The following NCK2 variants were observed in gnomAD, a reference collection of about 807,000 sequenced individuals.
NCK2 encodes cytoplasmic protein NCK2.
A neutral mutation model predicts 33.9 loss-of-function variants in NCK2; 16 were observed. The observed-to-expected ratio is 0.47, with a 90% CI of 0.32 to 0.72. The LOEUF (loss-of-function observed/expected upper bound fraction) is 0.72, where lower values mean the gene tolerates loss of function less well. NCK2 is among the 30% of genes least tolerant of loss of function. The probability of loss-of-function intolerance (pLI) is 0.03; values close to 1 mark genes in which losing one functional copy is unlikely to be tolerated. For synonymous variants in NCK2, 273 were observed against 239.9 expected, an observed-to-expected ratio of 1.14 and a Z score of -1.27; for missense variants, 418 against 537.3, an observed-to-expected ratio of 0.78 and a Z score of 2.19.
chr2:105,803,423 A>T (rs1674915749), intron 1 of NCK2, among the ~76,000 whole-genome samples: 1 of 152,174 alleles, frequency 6.6e-6, no homozygotes, highest in Non-Finnish European at 1.5e-5. Context: ...TGCCTTATGT[A>T]TGTACAGCAT....
At chr2:105,861,001 G>A (rs1159456242) in intron 3 of NCK2, among the ~76,000 whole-genome samples, 1 of 151,908 alleles carries the variant, frequency 6.6e-6, no homozygotes, top group African/African-American at 2.4e-5. Flanking sequence ...GGGACTTGGG[G>A]CAGGTGGCTT....
chr2:105,775,172 T>C (rs1014302898), intron 1 of NCK2, among the ~76,000 whole-genome samples: 2 of 152,258 alleles, frequency 1.3e-5, no homozygotes, highest in African/African-American at 4.8e-5. Flanking sequence ...GGGTGGTTTT[T>C]ACGTGTTAGT....
chr2:105,889,654 C>T (rs114509843), intron 4 of NCK2, among the ~76,000 whole-genome samples: 1,798 of 151,028 alleles, frequency 0.012, 39 homozygotes, highest in African/African-American at 0.041. Flanking sequence ...CCCTGTCATA[C>T]CTCACTGTTG....
intron 1 of NCK2, among the ~76,000 whole-genome samples, chr2:105,793,951 T>A (rs1410503059): frequency 5.9e-5 from 9 of 152,242 alleles, no homozygotes; most frequent in Middle Eastern, 3.2e-3. Context: ...AAGCTTTTTT[T>A]CTTTGGTGTG....
chr2:105,801,906 C>A (rs954825972), intron 1 of NCK2, among the ~76,000 whole-genome samples: 2 of 152,100 alleles, frequency 1.3e-5, no homozygotes, highest in African/African-American at 2.4e-5. Context: ...CATTCCAAAG[C>A]CAGTGTGCAT....
chr2:105,789,896 A>G (rs557137505), intron 1 of NCK2, among the ~76,000 whole-genome samples: 1 of 152,314 alleles, frequency 6.6e-6, no homozygotes, highest in South Asian at 2.1e-4. Context: ...CAGATAACGA[A>G]CAGGTTGGAT....
intron 1 of NCK2, among the ~76,000 whole-genome samples, chr2:105,782,589 A>G (rs1690536499): frequency 6.6e-6 from 1 of 152,182 alleles, no homozygotes; most frequent in Admixed American, 6.5e-5. Context: ...ATGTGGTTTT[A>G]GTACTTTTTA....
chr2:105,821,405 T>G (rs1675732219), intron 2 of NCK2, among the ~76,000 whole-genome samples: 1 of 152,168 alleles, frequency 6.6e-6, no homozygotes, highest in Non-Finnish European at 1.5e-5. Context: ...TGGGCCCATC[T>G]CAGCCTCCTT....
chr2:105,848,475 A>G (rs928877406), intron 2 of NCK2: 3 of 152,232 alleles, frequency 2.0e-5, no homozygotes, highest in African/African-American at 7.2e-5. Context: ...CTCCAAAATA[A>G]CATACTGAGC....
intron 1 of NCK2, among the ~76,000 whole-genome samples, chr2:105,754,806 TG>T (rs1293935158): frequency 2.6e-5 from 4 of 152,258 alleles, no homozygotes; most frequent in Middle Eastern, 3.4e-3. Flanking sequence ...GGAGTTATTT[TG>T]AGACAGTTTT....
chr2:105,807,206 G>A (rs1675078538), intron 1 of NCK2, among the ~76,000 whole-genome samples: 4 of 152,202 alleles, frequency 2.6e-5, no homozygotes, highest in African/African-American at 9.6e-5. Flanking sequence ...GCTCACTCTG[G>A]GTGTTACTGT....
chr2:105,836,090 A>G (rs1188558054), intron 2 of NCK2, among the ~76,000 whole-genome samples: 2 of 94,182 alleles, frequency 2.1e-5, no homozygotes, highest in Admixed American at 1.2e-4. Context: ...ATTATTTTAG[A>G]TTCTTTTTTA....
Position 105,881,940 on chromosome 2 carries a change from T to C in NCK2, c.839T>C (p.Phe280Ser), listed in dbSNP as rs1386468934. ...ACCGGGCCCTCGTCCAGCGGGCGCT[T>C]CGCGGGCAGAGAGTGGTACTACGGG... ...SYTGPSSSGR[F>S]AGREWYYGNV... Residue 280 changes from phenylalanine (F) to serine (S), a missense_variant, in exon 4 of 5, where the codon TTC (phenylalanine) becomes TCC (serine). Phe to Ser is a radical substitution (Grantham distance 155). Transcript: ENST00000233154. The C allele has an allele frequency of 6.4e-7, 1 of 1,559,816 alleles. No homozygotes were observed. The highest frequency in any genetic ancestry group is 1.2e-5 in the South Asian group (1 of 81,472).
At chr2:105,807,871 TCTCC>T (rs1416433584) in intron 1 of NCK2, among the ~76,000 whole-genome samples, 1 of 70,834 alleles carries the variant, frequency 1.4e-5, no homozygotes, top group Non-Finnish European at 2.4e-5. Context: ...TCTCTCTATC[TCTCC>T]CTCCCTCCCT....
At chr2:105,798,030 T>C (rs931545230) in intron 1 of NCK2, among the ~76,000 whole-genome samples, 3 of 152,216 alleles carry the variant, frequency 2.0e-5, no homozygotes, top group Non-Finnish European at 4.4e-5. Context: ...ACCACATTTT[T>C]ATTAATTTAT....
At chr2:105,791,112 G>C (rs1426011635) in intron 1 of NCK2, among the ~76,000 whole-genome samples, 1 of 152,152 alleles carries the variant, frequency 6.6e-6, no homozygotes, top group Non-Finnish European at 1.5e-5. Flanking sequence ...GAGCCACTTG[G>C]AAGCCCCTGC....
chr2:105,835,393 A>ATATACATATATATATATGTATGTATATG, intron 2 of NCK2, among the ~76,000 whole-genome samples: 1 of 51,674 alleles, frequency 1.9e-5, no homozygotes, highest in South Asian at 7.0e-4. Context: ...ATACACATAT[A>ATATACATATATATATATGTATGTATATG]TATATATATA....
chr2:105,807,977 AC>A (rs2104463015), intron 1 of NCK2, among the ~76,000 whole-genome samples: 1 of 151,132 alleles, frequency 6.6e-6, no homozygotes, highest in South Asian at 2.1e-4. Context: ...ATCTCAGCTC[AC>A]TTTAGCCTCC....
intron 1 of NCK2, among the ~76,000 whole-genome samples, chr2:105,761,448 G>A (rs1005515874): frequency 2.0e-5 from 3 of 152,290 alleles, no homozygotes; most frequent in Admixed American, 6.5e-5. Flanking sequence ...CCAGGCTTGG[G>A]TGGAAGGCCA....
Sources: gnomAD v4.1 joint callset for allele counts (sites outside exome capture counted in the v4.1 genomes callset) on GRCh38, gnomAD v4.1.1 for gene constraint, MANE v1.5 for transcripts, NCBI Gene and HGNC (gene_info 2026-07-23, HGNC 2026-07-21) for gene names.